The following PPM1B variants were observed in gnomAD, a reference collection of about 807,000 sequenced individuals.
PPM1B encodes protein phosphatase, Mg2+/Mn2+ dependent 1B.
Under a neutral mutation model 43.0 loss-of-function variants are expected in PPM1B, and 22 were observed. The ratio of observed to expected loss-of-function variants is 0.51; its 90% CI spans 0.37 to 0.73. The LOEUF (loss-of-function observed/expected upper bound fraction) is 0.73, where lower values mean the gene tolerates loss of function less well. Among genes scored for constraint, PPM1B ranks in the 30% least tolerant of loss-of-function variants. The pLI, the probability that PPM1B is intolerant of heterozygous loss-of-function variation, is 0.00. For synonymous variants in PPM1B, 217 were observed against 197.9 expected, an observed-to-expected ratio of 1.10 and a Z score of -0.81; for missense variants, 632 against 584.2, an observed-to-expected ratio of 1.08 and a Z score of -0.84.
At chr2:44,226,125 G>A (rs1354315445) in intron 5 of PPM1B, among the ~76,000 whole-genome samples, 5 of 151,502 alleles carry the variant, frequency 3.3e-5, no homozygotes, top group African/African-American at 9.7e-5. Flanking sequence ...ACAGGTGCCC[G>A]CCACCACGCC....
chr2:44,236,002 C>A (rs931810511), downstream of PPM1B, among the ~76,000 whole-genome samples: 4 of 152,024 alleles, frequency 2.6e-5, no homozygotes, highest in African/African-American at 9.7e-5. Flanking sequence ...AGCTGCTTCA[C>A]CGTTAGTTTA....
intron 1 of PPM1B, among the ~76,000 whole-genome samples, chr2:44,172,399 T>C (rs1034337883): frequency 6.6e-6 from 1 of 152,236 alleles, no homozygotes; most frequent in Admixed American, 6.5e-5. Flanking sequence ...ATTTAATTTT[T>C]GTAGTTTGTA....
chr2:44,194,846 A>T (rs1303677158), intron 1 of PPM1B, among the ~76,000 whole-genome samples: 1 of 151,680 alleles, frequency 6.6e-6, no homozygotes, highest in Non-Finnish European at 1.5e-5. Context: ...GCTGTCTCTA[A>T]ACCCAGAGTC....
intron 2 of PPM1B, among the ~76,000 whole-genome samples, chr2:44,203,424 A>T (rs1669028907): frequency 6.6e-6 from 1 of 152,048 alleles, no homozygotes; most frequent in Non-Finnish European, 1.5e-5. Context: ...AAGCATAGGC[A>T]TATGTTTGTT....
chr2:44,224,350 G>A (rs919631300), intron 5 of PPM1B, among the ~76,000 whole-genome samples: 4 of 151,792 alleles, frequency 2.6e-5, no homozygotes, highest in Non-Finnish European at 4.4e-5. Context: ...AGCTACTCGG[G>A]AGGCTGAGGC....
chr2:44,204,366 T>C (rs536537765), intron 2 of PPM1B, among the ~76,000 whole-genome samples: 2 of 152,336 alleles, frequency 1.3e-5, no homozygotes, highest in East Asian at 3.9e-4. Context: ...AGTAGTTACC[T>C]GCTGTAAGAG....
chr2:44,203,071 A>T (rs1044559957), intron 2 of PPM1B, among the ~76,000 whole-genome samples: 1 of 152,202 alleles, frequency 6.6e-6, no homozygotes. Context: ...AGGTATGGGC[A>T]TAACCAGAAA....
chr2:44,179,264 T>A (rs1667741965), intron 1 of PPM1B, among the ~76,000 whole-genome samples: 1 of 152,242 alleles, frequency 6.6e-6, no homozygotes, highest in Non-Finnish European at 1.5e-5. Flanking sequence ...TAAACCTCTC[T>A]TTCTTTTGTA....
At chr2:44,244,420 C>T, downstream of PPM1B, 1 of 1,218,826 alleles carries the variant, frequency 8.2e-7, no homozygotes, top group Non-Finnish European at 1.1e-6. Context: ...ATCTTATAAC[C>T]CATTAGTGGA....
At chr2:44,237,012 A>G (rs1449260427), downstream of PPM1B, among the ~76,000 whole-genome samples, 1 of 152,254 alleles carries the variant, frequency 6.6e-6, no homozygotes, top group Non-Finnish European at 1.5e-5. Context: ...TATATGTAAA[A>G]TAGTCAAATG....
rs974864716 is a variant in PPM1B at position 44,218,616 on chromosome 2, G to A, written c.1134+79G>A. The A allele has an allele frequency of 6.0e-5, 58 of 973,228 alleles. No individual in the cohort carries two copies. The South Asian group carries it at 6.5e-4, about 11-fold the overall frequency. 60.3% of individuals were successfully genotyped at this position (973,228 alleles called of 1,614,324 possible). A position where few individuals can be genotyped will look rare whatever the true frequency, so the allele number is the denominator to read the frequency against. ...TAAATATGAATACATTCACATTAAC[G>A]AAGTCTATAATAAATTATAGTCTGT... On this transcript the variant is annotated intron_variant, in intron 5 of 5. Transcript: ENST00000282412.
intron 1 of PPM1B, among the ~76,000 whole-genome samples, chr2:44,177,863 C>G (rs1338502216): frequency 6.7e-6 from 1 of 149,774 alleles, no homozygotes; most frequent in Non-Finnish European, 1.5e-5. Context: ...CCCTTTTTTC[C>G]ATAGTATTGC....
Position 44,218,140 on chromosome 2 carries a change from TA to T in PPM1B, c.1076+69del, listed in dbSNP as rs1203706096. The T allele has an allele frequency of 5.0e-6, 6 of 1,207,578 alleles. No individual in the cohort carries two copies. In the African/African-American group the frequency reaches 6.0e-5, roughly 12 times the overall value. 74.8% of individuals were successfully genotyped at this position (1,207,578 alleles called of 1,614,324 possible). ...TAATTAGTAATTAAATAATTTGGGGTAAAAAAACTTAAATCAGAAGTACATC... is the reference window on the plus strand; with the variant it reads ...TAATTAGTAATTAAATAATTTGGGGTAAAAAACTTAAATCAGAAGTACATC... On this transcript the variant is annotated intron_variant, in intron 4 of 5. Coordinates refer to ENST00000282412, the MANE Select transcript of PPM1B (RefSeq NM_002706.6).
At chr2:44,211,921 G>C (rs1669488532) in intron 3 of PPM1B, among the ~76,000 whole-genome samples, 1 of 151,912 alleles carries the variant, frequency 6.6e-6, no homozygotes, top group South Asian at 2.1e-4. Flanking sequence ...GGCCAATTTT[G>C]TATGTTTAGT....
Position 44,218,153 on chromosome 2 carries a change from A to T in PPM1B, c.1076+75A>T, listed in dbSNP as rs1669812126. The T allele has an allele frequency of 2.8e-6, 3 of 1,073,820 alleles. No homozygotes were observed. In the South Asian group the frequency reaches 3.9e-5, roughly 14 times the overall value. 66.5% of individuals were successfully genotyped at this position (1,073,820 alleles called of 1,614,324 possible). On this transcript the variant is annotated intron_variant, in intron 4 of 5. Coordinates refer to ENST00000282412, the MANE Select transcript of PPM1B (RefSeq NM_002706.6). ...AATAATTTGGGGTAAAAAAACTTAA[A>T]TCAGAAGTACATCAATTATCTAGAG...
intron 1 of PPM1B, among the ~76,000 whole-genome samples, chr2:44,169,531 G>T (rs1476277888): frequency 6.6e-6 from 1 of 152,258 alleles, no homozygotes; most frequent in Non-Finnish European, 1.5e-5. Flanking sequence ...GAGAATGGGA[G>T]TTTGCTGGAA....
In PPM1B at chr2:44,201,714, G is replaced by T; in HGVS notation, c.515G>T (p.Cys172Phe). ...VCFSTQDHKP[C>F]NPREKERIQN... ...TTTTCTACCCAGGATCACAAACCTTGCAATCCAAGGGAAAAGGAGCGAATC... is the reference window on the plus strand; with the variant it reads ...TTTTCTACCCAGGATCACAAACCTTTCAATCCAAGGGAAAAGGAGCGAATC... Residue 172 changes from cysteine (C) to phenylalanine (F), a missense_variant, in exon 2 of 6, where the codon TGC (cysteine) becomes TTC (phenylalanine). Cys to Phe is a radical substitution (Grantham distance 205, BLOSUM62 -2). Transcript: ENST00000282412. This position sits in a 1 kb window ranked among gnomAD's most constrained non-coding sequence, Gnocchi z 5.4. 6.2e-7 allele frequency: 1 copy of T among 1,614,192 alleles called. No individual in the cohort carries two copies.
rs76054923 is a variant in PPM1B, at chr2:44,195,788, C to T, written c.-14-5398C>T. Among the ~76,000 whole-genome samples, 1,163 of 152,276 alleles carry T rather than the reference C, an allele frequency of 7.6e-3. 17 individuals carry two copies. Among genetic ancestry groups the T allele is most frequent in the African/African-American group, 0.027 (1,115 of 41,534 alleles). ...ACAAGACTTAGTGACTTTCTTGTAA[C>T]CAATAATGCAGCAGAAGTGACTTCT... On this transcript the variant is annotated intron_variant, in intron 1 of 5. Transcript: ENST00000282412.
At chr2:44,224,677 T>C (rs1381778885) in intron 5 of PPM1B, among the ~76,000 whole-genome samples, 1 of 138,686 alleles carries the variant, frequency 7.2e-6, no homozygotes, top group African/African-American at 2.6e-5. Context: ...TAAGCTATGT[T>C]AGTCTAGCTG....
Sources: gnomAD v4.1 joint callset for allele counts (sites outside exome capture counted in the v4.1 genomes callset) on GRCh38, gnomAD v4.1.1 for gene constraint, Gnocchi (gnomAD v3.1) non-coding constraint, MANE v1.5 for transcripts, NCBI Gene and HGNC (gene_info 2026-07-23, HGNC 2026-07-21) for gene names.